The following CCDC190 variants were observed in gnomAD, a reference collection of about 807,000 sequenced individuals.
The protein encoded by CCDC190 is coiled-coil domain containing 190.
In CCDC190, 10 loss-of-function variants were observed where a neutral mutation model predicts 13.1. That is an observed-to-expected ratio of 0.77 (90% confidence interval 0.47 to 1.30). The LOEUF (loss-of-function observed/expected upper bound fraction) is 1.30, where lower values mean the gene tolerates loss of function less well. Among genes scored for constraint, CCDC190 ranks in the 50% most tolerant of loss-of-function variants. The pLI is 0.00. For synonymous variants in CCDC190, 136 were observed against 127.2 expected (o/e 1.07, Z -0.47); for missense variants, 375 against 354.3 (o/e 1.06, Z -0.47).
Position 162,854,532 on chromosome 1 carries a change from T to C in CCDC190, c.*233A>G. 7.6e-7 allele frequency: 1 copy of C among 1,323,300 alleles called. No individual in the cohort carries two copies. Among genetic ancestry groups the C allele is most frequent in the Non-Finnish European group, 9.6e-7 (1 of 1,037,590 alleles). The allele number at this position is 1,323,300 out of a possible 1,614,324, so 82.0% of individuals were successfully genotyped here. A position where few individuals can be genotyped will look rare whatever the true frequency, so the allele number is the denominator to read the frequency against. Reference sequence around the variant, plus strand: ...TATATTCATATTTTTGATGACATCATAAACATATCACTTAAAATATTTTCA... The same window carrying C: ...TATATTCATATTTTTGATGACATCACAAACATATCACTTAAAATATTTTCA... On this transcript the variant is annotated 3_prime_UTR_variant, in exon 4 of 4. Coordinates refer to ENST00000367912, the MANE Select transcript of CCDC190 (RefSeq NM_001394065.1).
chr1:162,865,841 A>G (rs1386880644), upstream of CCDC190, among the ~76,000 whole-genome samples: 1 of 152,174 alleles, frequency 6.6e-6, no homozygotes, highest in Non-Finnish European at 1.5e-5. Flanking sequence ...AGAACAAGGC[A>G]TAGATATTTG....
Position 162,852,969 on chromosome 1 carries a change from G to T in CCDC190, c.*1796C>A. On this transcript the variant is annotated 3_prime_UTR_variant, in exon 4 of 4. Coordinates refer to ENST00000367912, the MANE Select transcript of CCDC190 (RefSeq NM_001394065.1). Reference sequence around the variant, plus strand: ...TTTACAAAGGGGTTCTCTAATTGTTGTATGCCTATTCATGTTGGCCCAGGC... The same window carrying T: ...TTTACAAAGGGGTTCTCTAATTGTTTTATGCCTATTCATGTTGGCCCAGGC... 1.0e-5 allele frequency: 7 copies of T among 686,948 alleles called. No individual in the cohort carries two copies. In the South Asian group the frequency reaches 1.3e-4, roughly 12 times the overall value. The allele number at this position is 686,948 out of a possible 1,614,324, so 42.6% of individuals were successfully genotyped here. A position where few individuals can be genotyped will look rare whatever the true frequency, so the allele number is the denominator to read the frequency against.
upstream of CCDC190, among the ~76,000 whole-genome samples, chr1:162,862,670 G>T (rs544975163): frequency 6.6e-6 from 1 of 152,328 alleles, no homozygotes; most frequent in Admixed American, 6.5e-5. Flanking sequence ...AGGAACACAA[G>T]AATAGATAGG....
intron 2 of CCDC190, among the ~76,000 whole-genome samples, chr1:162,859,126 A>T (rs1650410509): frequency 6.6e-6 from 1 of 152,256 alleles, no homozygotes; most frequent in African/African-American, 2.4e-5. Flanking sequence ...GTGAAACCAA[A>T]TCAGCCCAGA....
chr1:162,860,141 G>A (rs1415651740), intron 1 of CCDC190, among the ~76,000 whole-genome samples: 2 of 152,086 alleles, frequency 1.3e-5, no homozygotes, highest in African/African-American at 2.4e-5. Flanking sequence ...TCACATATGC[G>A]TAGGTTCATT....
At position 162,854,776 on chromosome 1, in the gene CCDC190, G is replaced by A; in HGVS notation, c.895C>T (p.Leu299Phe). 6.2e-7 allele frequency: 1 copy of A among 1,608,142 alleles called. No individual in the cohort carries two copies. Reference sequence around the variant, plus strand: ...GCTATGTTAAACGGTTAGAGAGGAAGAAACTTAGAAGGCACCCTGTTTTCA... The same window carrying A: ...GCTATGTTAAACGGTTAGAGAGGAAAAAACTTAGAAGGCACCCTGTTTTCA... ...ECENRVPSKF[L>F]PL is the part of the protein sequence containing the mutation. Residue 299 changes from leucine (L) to phenylalanine (F), a missense_variant, in exon 4 of 4, where the codon CTT becomes TTT. Coordinates refer to ENST00000367912, the MANE Select transcript of CCDC190 (RefSeq NM_001394065.1).
At position 162,853,242 on chromosome 1, in the gene CCDC190, A is replaced by C. The variant is rs1446568374; in HGVS notation, c.*1523T>G. ...TAGTGTGGTGTAATGAAAGAGCATG[A>C]GCAAGGAAATTGAGTAGAAGAGAGA... On this transcript the variant is annotated 3_prime_UTR_variant, in exon 4 of 4. Transcript: ENST00000367912. 8.7e-7 allele frequency: 1 copy of C among 1,150,816 alleles called. No individual in the cohort carries two copies. The highest frequency in any genetic ancestry group is 1.2e-6 in the Non-Finnish European group (1 of 828,762). The allele number at this position is 1,150,816 out of a possible 1,614,324, so 71.3% of individuals were successfully genotyped here.
chr1:162,855,729 A>G lies in CCDC190; in HGVS notation c.214T>C (p.Tyr72His). The change falls in exon 3 of 4, where the codon TAT becomes CAT. Residue 72 changes from tyrosine to histidine, a missense_variant. By Grantham distance (83) the Tyr-to-His change is moderately conservative. Coordinates refer to ENST00000367912, the MANE Select transcript of CCDC190 (RefSeq NM_001394065.1). ...CTCTTCTGAAATCCATTCCCCAAATAAGAGGAGAACTTTTTCTTCATGGTT... is the reference window on the plus strand; with the variant it reads ...CTCTTCTGAAATCCATTCCCCAAATGAGAGGAGAACTTTTTCTTCATGGTT... ...QETMKKKFSS[Y>H]LGNGFQKRPE... is the part of the protein sequence containing the mutation. The G allele has an allele frequency of 1.2e-6, 2 of 1,609,892 alleles. No homozygotes were observed. Among genetic ancestry groups the G allele is most frequent in the Non-Finnish European group, 1.7e-6 (2 of 1,177,522 alleles).
At chr1:162,864,832 A>C (rs547869265), upstream of CCDC190, among the ~76,000 whole-genome samples, 89 of 152,204 alleles carry the variant, frequency 5.8e-4, no homozygotes, top group Non-Finnish European at 1.0e-3. Flanking sequence ...GAAAGAGGAA[A>C]TAAAAGAACA....
chr1:162,858,477 T>G lies in CCDC190; in HGVS notation c.187+983A>C, dbSNP rs148474451. Among the ~76,000 whole-genome samples the G allele has an allele frequency of 1.3e-3, 193 of 152,354 alleles. 1 individual carries two copies. Among genetic ancestry groups the G allele is most frequent in the Non-Finnish European group, 1.8e-4 (12 of 68,034 alleles). On this transcript the variant is annotated intron_variant, in intron 2 of 3. Coordinates refer to ENST00000367912, the MANE Select transcript of CCDC190 (RefSeq NM_001394065.1). ...GGACTTCAGTTAGTTACTCAGAGTA[T>G]CTTTCAAACCCAAAGCTGGAGGTTA... is the stretch of plus-strand genomic sequence containing the variant.
chr1:162,851,853 G>A lies in CCDC190; in HGVS notation c.*2912C>T, dbSNP rs961524002. ...TGAATGTTAAAGATTTGTATTTGTA[G>A]GGTTGAAAGCATTTCTTAACTGAAA... is the stretch of plus-strand genomic sequence containing the variant. On this transcript the variant is annotated 3_prime_UTR_variant, in exon 4 of 4. Transcript: ENST00000367912. The A allele has an allele frequency of 6.6e-6, 1 of 152,216 alleles. No homozygotes were observed. Among genetic ancestry groups the A allele is most frequent in the African/African-American group, 2.4e-5 (1 of 41,450 alleles). 9.4% of individuals were successfully genotyped at this position (152,216 alleles called of 1,614,324 possible). A position where few individuals can be genotyped will look rare whatever the true frequency, so the allele number is the denominator to read the frequency against.
chr1:162,854,121 T>C lies in CCDC190; in HGVS notation c.*644A>G, dbSNP rs1650203054. The C allele has an allele frequency of 1.4e-6, 1 of 697,456 alleles. No homozygotes were observed. The highest frequency in any genetic ancestry group is 1.8e-6 in the Non-Finnish European group (1 of 567,310). 43.2% of individuals were successfully genotyped at this position (697,456 alleles called of 1,614,324 possible). On this transcript the variant is annotated 3_prime_UTR_variant, in exon 4 of 4. Transcript: ENST00000367912. ...CAGCATGTTGGGAGATGATTAAAAGTTTTTTAAATCCTTTGATTCTAGAAG... is the reference window on the plus strand; with the variant it reads ...CAGCATGTTGGGAGATGATTAAAAGCTTTTTAAATCCTTTGATTCTAGAAG...
chr1:162,860,818 A>G (rs1650483939), intron 1 of CCDC190, among the ~76,000 whole-genome samples, 190 bp downstream of exon 1: 1 of 152,146 alleles, frequency 6.6e-6, no homozygotes, highest in Admixed American at 6.5e-5. Context: ...CAGCCTCCCA[A>G]AGTGCTGGGA....
Position 162,853,120 on chromosome 1 carries a change from C to T in CCDC190, c.*1645G>A, listed in dbSNP as rs1297417039. The T allele has an allele frequency of 1.3e-6, 2 of 1,550,616 alleles. No homozygotes were observed. ...GGAAGCAGATTTCTTGTGTTCCTTT[C>T]ACTATAAAGTATTGTCTCCCCATTG... On this transcript the variant is annotated 3_prime_UTR_variant, in exon 4 of 4. Coordinates refer to ENST00000367912, the MANE Select transcript of CCDC190 (RefSeq NM_001394065.1).
Position 162,855,661 on chromosome 1 carries a change from C to T in CCDC190, c.282G>A (p.Lys94=). Residue 94 remains lysine, a synonymous_variant, in exon 3 of 4, where the codon AAG becomes AAA. Coordinates refer to ENST00000367912, the MANE Select transcript of CCDC190 (RefSeq NM_001394065.1). The part of the protein sequence containing the change: ...VLVFSPQGRQ[K]HRAPQAKKMR... ...TTTTCTTAGCCTGTGGGGCTCTGTG[C>T]TTCTGCCTTCCCTGTGGTGAGAACA... The T allele has an allele frequency of 6.2e-7, 1 of 1,613,834 alleles. No homozygotes were observed. The highest frequency in any genetic ancestry group is 8.5e-7 in the Non-Finnish European group (1 of 1,179,768).
chr1:162,863,941 C>A (rs1464512749), upstream of CCDC190, among the ~76,000 whole-genome samples: 3 of 151,470 alleles, frequency 2.0e-5, no homozygotes. Flanking sequence ...ATCATTTGAA[C>A]CCGGGAGGTG....
At chr1:162,860,852 C>T (rs890608351) in intron 1 of CCDC190, among the ~76,000 whole-genome samples, 156 bp downstream of exon 1, 2 of 152,040 alleles carry the variant, frequency 1.3e-5, no homozygotes, top group African/African-American at 4.8e-5. Flanking sequence ...CCACCACACT[C>T]GGCCGAGGTT....
intron 2 of CCDC190, 77 bp downstream of exon 2, chr1:162,859,383 G>C: frequency 1.5e-6 from 2 of 1,319,144 alleles, no homozygotes; most frequent in Non-Finnish European, 2.1e-6. Context: ...AGCTCTGAAA[G>C]GGCCTCAGCG....
upstream of CCDC190, among the ~76,000 whole-genome samples, chr1:162,863,560 A>C (rs1256529364): frequency 1.3e-5 from 2 of 152,224 alleles, no homozygotes; most frequent in African/African-American, 4.8e-5. Context: ...AGTGGAAACA[A>C]ACCAGGGAAT....
Sources: gnomAD v4.1 joint callset for allele counts (sites outside exome capture counted in the v4.1 genomes callset) on GRCh38, gnomAD v4.1.1 for gene constraint, MANE v1.5 for transcripts, NCBI Gene and HGNC (gene_info 2026-07-23, HGNC 2026-07-21) for gene names.